The following SRPK2 variants were observed in gnomAD, a reference collection of about 807,000 sequenced individuals.
SRPK2 encodes the protein SFRS protein kinase 2.
In SRPK2, 21 loss-of-function variants were observed where a neutral mutation model predicts 90.8. The ratio of observed to expected loss-of-function variants is 0.23; its 90% CI spans 0.16 to 0.33. The LOEUF (loss-of-function observed/expected upper bound fraction) is 0.33. Ranked by LOEUF, SRPK2 falls within the 10% of genes least tolerant of loss-of-function variation. The pLI, the probability that SRPK2 is intolerant of heterozygous loss-of-function variation, is 1.00. For missense variants in SRPK2, 620 were observed against 869.0 expected, an observed-to-expected ratio of 0.71 and a Z score of 3.60; for synonymous variants, 288 against 311.1, an observed-to-expected ratio of 0.93 and a Z score of 0.78.
chr7:105,192,530 T>C (rs983116329), intron 3 of SRPK2, among the ~76,000 whole-genome samples: 6 of 152,236 alleles, frequency 3.9e-5, no homozygotes, highest in Admixed American at 3.9e-4. Flanking sequence ...AACTTTTTTA[T>C]ATAACGACTT....
At chr7:105,177,804 C>T (rs1792176096) in intron 3 of SRPK2, among the ~76,000 whole-genome samples, 2 of 152,090 alleles carry the variant, frequency 1.3e-5, no homozygotes, top group African/African-American at 4.8e-5. Flanking sequence ...GGGCGGATCA[C>T]AAGATCAGGA....
intron 3 of SRPK2, among the ~76,000 whole-genome samples, chr7:105,194,946 G>T (rs924397656): frequency 6.6e-6 from 1 of 152,160 alleles, no homozygotes; most frequent in African/African-American, 2.4e-5. Flanking sequence ...CTCGATAAAT[G>T]GTGCTGCAGC....
At chr7:105,291,424 C>T (rs1179285675) in intron 2 of SRPK2, among the ~76,000 whole-genome samples, 1 of 152,116 alleles carries the variant, frequency 6.6e-6, no homozygotes, top group African/African-American at 2.4e-5. Context: ...GTGGCTCACA[C>T]CTGTAATCCC....
At chr7:105,327,067 CAAAAAAAAA>C (rs11350866) in intron 2 of SRPK2, among the ~76,000 whole-genome samples, 1 of 123,312 alleles carries the variant, frequency 8.1e-6, no homozygotes, top group African/African-American at 2.9e-5. Flanking sequence ...AACTCCGTAT[CAAAAAAAAA>C]AAAAAAAAAA....
At chr7:105,392,591 G>A (rs1822209202), upstream of SRPK2, among the ~76,000 whole-genome samples, 1 of 152,102 alleles carries the variant, frequency 6.6e-6, no homozygotes, top group South Asian at 2.1e-4. Context: ...TCAGCTCACT[G>A]TAACCTCCAC....
At chr7:105,179,129 T>C (rs1043532133) in intron 3 of SRPK2, among the ~76,000 whole-genome samples, 10 of 152,170 alleles carry the variant, frequency 6.6e-5, no homozygotes, top group Non-Finnish European at 1.2e-4. Flanking sequence ...ACCTAAAATG[T>C]TCATGTCAAG....
At chr7:105,211,190 C>G (rs940273819) in intron 2 of SRPK2, among the ~76,000 whole-genome samples, 2 of 151,928 alleles carry the variant, frequency 1.3e-5, no homozygotes, top group South Asian at 2.1e-4. Flanking sequence ...GTTCCTCAAA[C>G]TGTACTAGAG....
chr7:105,255,337 G>C (rs575924070), intron 2 of SRPK2, among the ~76,000 whole-genome samples: 26 of 151,872 alleles, frequency 1.7e-4, no homozygotes, highest in African/African-American at 6.3e-4. Flanking sequence ...GTGTGCATCT[G>C]ACTATCCTCC....
intron 2 of SRPK2, chr7:105,269,182 T>C (rs866131262): frequency 1.8e-5 from 13 of 739,662 alleles, no homozygotes; most frequent in Middle Eastern, 7.0e-4. Context: ...CAAAATAAAA[T>C]ACAAACAAGA....
intron 2 of SRPK2, among the ~76,000 whole-genome samples, chr7:105,261,307 G>T (rs1008042571): frequency 6.6e-5 from 10 of 152,140 alleles, no homozygotes; most frequent in South Asian, 2.1e-4. Flanking sequence ...GGATCACAAG[G>T]TCAGGAGATC....
intron 2 of SRPK2, among the ~76,000 whole-genome samples, chr7:105,372,818 G>A (rs764649264): frequency 6.6e-6 from 1 of 152,156 alleles, no homozygotes; most frequent in Non-Finnish European, 1.5e-5. Flanking sequence ...ACTGGGCATG[G>A]TGGCTCACAC....
chr7:105,274,627 C>A (rs1400185545), intron 2 of SRPK2, among the ~76,000 whole-genome samples: 1 of 141,654 alleles, frequency 7.1e-6, no homozygotes, highest in Non-Finnish European at 1.6e-5. Context: ...GTGCGTGGGG[C>A]TCCACCTCAA....
intron 2 of SRPK2, among the ~76,000 whole-genome samples, chr7:105,281,094 GT>G (rs1807267119): frequency 6.7e-6 from 1 of 148,474 alleles, no homozygotes; most frequent in African/African-American, 2.5e-5. Context: ...TTGTTGTTTG[GT>G]TTTTCCCCCG....
At chr7:105,239,727 A>G (rs568674677) in intron 2 of SRPK2, among the ~76,000 whole-genome samples, 1 of 152,230 alleles carries the variant, frequency 6.6e-6, no homozygotes, top group Non-Finnish European at 1.5e-5. Flanking sequence ...AAACCCCACT[A>G]AAGTATGGAA....
intron 2 of SRPK2, among the ~76,000 whole-genome samples, chr7:105,225,637 C>T (rs1798615880): frequency 6.6e-6 from 1 of 152,116 alleles, no homozygotes; most frequent in African/African-American, 2.4e-5. Flanking sequence ...ATTACAGACA[C>T]AGAGATACAA....
At chr7:105,173,922 G>GTTTTTTTTTTT (rs67739776) in intron 3 of SRPK2, among the ~76,000 whole-genome samples, 1 of 122,834 alleles carries the variant, frequency 8.1e-6, no homozygotes, top group Non-Finnish European at 1.8e-5. Flanking sequence ...GTGTGTTGGT[G>GTTTTTTTTTTT]TTTTTTTTTT....
intron 2 of SRPK2, among the ~76,000 whole-genome samples, chr7:105,292,400 C>A (rs1337862629): frequency 6.9e-6 from 1 of 144,348 alleles, no homozygotes; most frequent in Non-Finnish European, 1.5e-5. Flanking sequence ...CCCAGCTACT[C>A]AGGAGGCTGA....
intron 2 of SRPK2, among the ~76,000 whole-genome samples, chr7:105,244,074 G>A (rs1801226279): frequency 6.6e-6 from 1 of 152,204 alleles, no homozygotes; most frequent in South Asian, 2.1e-4. Context: ...GAGGGCTGAA[G>A]AGCTGGCAGG....
intron 2 of SRPK2, among the ~76,000 whole-genome samples, chr7:105,212,292 G>A (rs1313291223): frequency 6.6e-6 from 1 of 152,172 alleles, no homozygotes; most frequent in Non-Finnish European, 1.5e-5. Context: ...GCACACAGAT[G>A]CCCAGCACTG....
Sources: allele counts gnomAD v4.1 joint callset (sites outside exome capture counted in the v4.1 genomes callset), GRCh38; gene constraint gnomAD v4.1.1; transcripts MANE v1.5; gene names NCBI Gene and HGNC (gene_info 2026-07-23, HGNC 2026-07-21).